DGLUCY: variants seen among roughly 807,000 people sequenced by gnomAD.
DGLUCY encodes D-glutamate cyclase, mitochondrial.
Under a neutral mutation model 58.5 loss-of-function variants are expected in DGLUCY, and 58 were observed. That is an observed-to-expected ratio of 0.99 (90% CI 0.80 to 1.23). The LOEUF (loss-of-function observed/expected upper bound fraction) is 1.23, where lower values mean the gene tolerates loss of function less well. Ranked by LOEUF, DGLUCY falls within the 50% of genes most tolerant of loss-of-function variation. The pLI, the probability that DGLUCY is intolerant of heterozygous loss-of-function variation, is 0.00. For missense variants in DGLUCY, 779 were observed against 784.7 expected, an observed-to-expected ratio of 0.99 and a Z score of 0.09; for synonymous variants, 325 against 314.1, an observed-to-expected ratio of 1.03 and a Z score of -0.37.
upstream of DGLUCY, among the ~76,000 whole-genome samples, chr14:91,104,300 G>A (rs921474981): frequency 2.0e-5 from 3 of 151,778 alleles, no homozygotes; most frequent in African/African-American, 7.3e-5. Context: ...CTGACCTCGT[G>A]ATCCGCCCTC....
intron 1 of DGLUCY, among the ~76,000 whole-genome samples, chr14:91,085,985 C>T (rs939508653): frequency 6.6e-6 from 1 of 152,218 alleles, no homozygotes; most frequent in African/African-American, 2.4e-5. Flanking sequence ...AGCAAGCAAT[C>T]TGTGTTTACA....
At chr14:91,151,667 T>C (rs987003513) in intron 1 of DGLUCY, among the ~76,000 whole-genome samples, 7 of 150,862 alleles carry the variant, frequency 4.6e-5, no homozygotes, top group African/African-American at 1.7e-4. Context: ...TCTTTTTTTT[T>C]TTTTTGAGAT....
intron 3 of DGLUCY, among the ~76,000 whole-genome samples, chr14:91,164,275 T>C (rs1434504794): frequency 6.6e-6 from 1 of 152,116 alleles, no homozygotes; most frequent in Non-Finnish European, 1.5e-5. Context: ...ATGTTTTTCT[T>C]TGGTATGGTC....
intron 5 of DGLUCY, among the ~76,000 whole-genome samples, chr14:91,170,894 G>C (rs1393946627): frequency 6.6e-6 from 1 of 152,202 alleles, no homozygotes; most frequent in African/African-American, 2.4e-5. Flanking sequence ...CAGAGATTTT[G>C]TCTTGGACTC....
chr14:91,155,018 C>T (rs2047538603), intron 1 of DGLUCY, among the ~76,000 whole-genome samples: 1 of 152,186 alleles, frequency 6.6e-6, no homozygotes, highest in Non-Finnish European at 1.5e-5. Flanking sequence ...AGGGCCTTCT[C>T]CCTCCCCAGC....
intron 1 of DGLUCY, among the ~76,000 whole-genome samples, chr14:91,098,447 ACT>A (rs570307991): frequency 8.5e-4 from 130 of 152,188 alleles, no homozygotes; most frequent in African/African-American, 3.1e-3. Context: ...ACAGAGTAAG[ACT>A]CTGTCTCAAA....
intron 13 of DGLUCY, 26 bp from the exon 14 acceptor site, chr14:91,224,655 CCTT>C (rs556101981): frequency 7.0e-5 from 110 of 1,568,008 alleles, no homozygotes; most frequent in Middle Eastern, 6.8e-4. Context: ...CCCCTCCACT[CCTT>C]CTATTTCTGC....
intron 1 of DGLUCY, among the ~76,000 whole-genome samples, chr14:91,082,636 G>A (rs1284711871): frequency 6.6e-6 from 1 of 152,214 alleles, no homozygotes; most frequent in East Asian, 1.9e-4. Flanking sequence ...CTTCCTTTCA[G>A]TGTTGGAAAA....
chr14:91,202,778 C>T (rs1249547086), intron 11 of DGLUCY, among the ~76,000 whole-genome samples: 9 of 152,210 alleles, frequency 5.9e-5, no homozygotes, highest in Middle Eastern at 3.2e-3. Context: ...ACCCTGAGAT[C>T]CCAGAGGAGG....
intron 1 of DGLUCY, among the ~76,000 whole-genome samples, chr14:91,141,408 G>A (rs951879057): frequency 5.3e-5 from 8 of 151,550 alleles, no homozygotes; most frequent in Admixed American, 2.6e-4. Flanking sequence ...AGGAGTTATC[G>A]TATATTGAAC....
chr14:91,066,521 G>A (rs2043825090), intron 1 of DGLUCY, among the ~76,000 whole-genome samples: 1 of 151,938 alleles, frequency 6.6e-6, no homozygotes, highest in South Asian at 2.1e-4. Context: ...ATTCTATGTG[G>A]TCTCACCTAT....
chr14:91,062,129 CAATA>C (rs1263205003), intron 1 of DGLUCY, among the ~76,000 whole-genome samples: 4 of 152,048 alleles, frequency 2.6e-5, no homozygotes, highest in South Asian at 2.1e-4. Flanking sequence ...CAGTCATAGA[CAATA>C]AATAAAAGAA....
At chr14:91,087,469 G>A (rs1188101015) in intron 1 of DGLUCY, among the ~76,000 whole-genome samples, 1 of 152,220 alleles carries the variant, frequency 6.6e-6, no homozygotes, top group Admixed American at 6.5e-5. Flanking sequence ...CCGTAATAAA[G>A]AAATCAATGT....
At chr14:91,166,785 G>A (rs901516185) in intron 3 of DGLUCY, among the ~76,000 whole-genome samples, 5 of 152,038 alleles carry the variant, frequency 3.3e-5, no homozygotes, top group Non-Finnish European at 1.5e-5. Flanking sequence ...GCCTGGAATA[G>A]CAAGACCTTG....
chr14:91,089,770 G>A (rs1229174604), intron 1 of DGLUCY, among the ~76,000 whole-genome samples: 4 of 149,788 alleles, frequency 2.7e-5, no homozygotes, highest in South Asian at 4.2e-4. Context: ...GCAGTGAGCC[G>A]AGATCACGCC....
chr14:91,117,013 C>G (rs113479994), intron 1 of DGLUCY, among the ~76,000 whole-genome samples: 3 of 151,230 alleles, frequency 2.0e-5, no homozygotes, highest in Admixed American at 6.6e-5. Context: ...GTATACTTAA[C>G]GGTTATTTAT....
At chr14:91,220,380 A>T in intron 13 of DGLUCY, 1 of 418,672 alleles carries the variant, frequency 2.4e-6, no homozygotes, top group South Asian at 1.7e-5. Flanking sequence ...ATAAATGCCA[A>T]CCGTCATTAT....
At chr14:91,077,418 AGGAG>A (rs1425085201) in intron 1 of DGLUCY, among the ~76,000 whole-genome samples, 6 of 127,210 alleles carry the variant, frequency 4.7e-5, no homozygotes, top group East Asian at 2.1e-4. Context: ...GAAAGAAAGA[AGGAG>A]GGAGGGAGGA....
At chr14:91,119,296 T>C (rs982702132) in intron 1 of DGLUCY, among the ~76,000 whole-genome samples, 8 of 151,948 alleles carry the variant, frequency 5.3e-5, no homozygotes, top group African/African-American at 1.9e-4. Flanking sequence ...GGGGAGGAAT[T>C]AGAGGGCAAA....
Sources: allele counts gnomAD v4.1 joint callset (sites outside exome capture counted in the v4.1 genomes callset), GRCh38; gene constraint gnomAD v4.1.1; transcripts MANE v1.5; gene names NCBI Gene and HGNC (gene_info 2026-07-23, HGNC 2026-07-21).